Variants in TCEA3 observed in about 807,000 individuals in gnomAD.
TCEA3 encodes transcription elongation factor A3.
Under a neutral mutation model 44.0 loss-of-function variants are expected in TCEA3, and 36 were observed. The ratio of observed to expected loss-of-function variants is 0.82; its 90% CI spans 0.63 to 1.08. The LOEUF (loss-of-function observed/expected upper bound fraction) is 1.08, where lower values mean the gene tolerates loss of function less well. Ranked by LOEUF, TCEA3 falls within the 50% of genes least tolerant of loss-of-function variation. TCEA3 has a pLI of 0.00. For synonymous variants in TCEA3, 162 were observed against 159.7 expected, an observed-to-expected ratio of 1.01 and a Z score of -0.11; for missense variants, 392 against 441.2, an observed-to-expected ratio of 0.89 and a Z score of 1.00.
intron 1 of TCEA3, among the ~76,000 whole-genome samples, chr1:23,421,543 T>C (rs979388133): frequency 6.6e-6 from 1 of 151,694 alleles, no homozygotes; most frequent in Non-Finnish European, 1.5e-5. Flanking sequence ...CCAATTTCTG[T>C]GGTGTAAACA....
At chr1:23,384,262 C>T (rs554211466) in intron 10 of TCEA3, 84 bp downstream of exon 10, 2 of 1,608,874 alleles carry the variant, frequency 1.2e-6, no homozygotes, top group Admixed American at 3.3e-5. Context: ...GCACAAGGCC[C>T]CTTCTGGGTT....
intron 8 of TCEA3, among the ~76,000 whole-genome samples, chr1:23,392,469 T>C (rs1253776993): frequency 8.9e-6 from 1 of 112,616 alleles, no homozygotes. Context: ...CCACACATCA[T>C]ACACACCACA....
intron 4 of TCEA3, among the ~76,000 whole-genome samples, chr1:23,414,826 A>G (rs1238967912): frequency 2.0e-5 from 3 of 152,170 alleles, no homozygotes; most frequent in Non-Finnish European, 4.4e-5. Context: ...TACAAATAAA[A>G]CATTTTATTT....
chr1:23,419,238 G>T, intron 1 of TCEA3, 99 bp from the exon 2 acceptor site: 1 of 872,324 alleles, frequency 1.1e-6, no homozygotes, highest in Non-Finnish European at 1.7e-6. Flanking sequence ...GATACAGACA[G>T]ACATGTGGCC....
chr1:23,415,214 G>T (rs1026995885), intron 4 of TCEA3, among the ~76,000 whole-genome samples: 1 of 151,648 alleles, frequency 6.6e-6, no homozygotes, highest in Non-Finnish European at 1.5e-5. Flanking sequence ...GTAGAGACGG[G>T]GTTTCACCAT....
chr1:23,397,660 G>T, intron 6 of TCEA3, 59 bp from the exon 7 acceptor site: 1 of 1,603,194 alleles, frequency 6.2e-7, no homozygotes, highest in African/African-American at 1.3e-5. Context: ...AGTGAAGCCT[G>T]CTTGTACCTG....
intron 5 of TCEA3, among the ~76,000 whole-genome samples, chr1:23,401,222 A>T (rs1383227200): frequency 6.6e-6 from 1 of 151,992 alleles, no homozygotes; most frequent in Non-Finnish European, 1.5e-5. Flanking sequence ...TTCTCTAGAG[A>T]CTTGAGGTTC....
At chr1:23,395,378 T>C (rs892104853) in intron 7 of TCEA3, among the ~76,000 whole-genome samples, 4 of 152,212 alleles carry the variant, frequency 2.6e-5, no homozygotes, top group African/African-American at 9.6e-5. Flanking sequence ...AACTTTTGGC[T>C]GCATTGTTAG....
At chr1:23,403,111 C>A (rs949088855) in intron 5 of TCEA3, among the ~76,000 whole-genome samples, 6 of 152,268 alleles carry the variant, frequency 3.9e-5, no homozygotes, top group Admixed American at 1.3e-4. Context: ...CTGACCTGTG[C>A]GTGCCATTGC....
intron 5 of TCEA3, chr1:23,403,870 T>A (rs1250031825): frequency 7.9e-6 from 4 of 508,792 alleles, no homozygotes; most frequent in African/African-American, 7.7e-5. Context: ...GGTTAGGAGC[T>A]GGCTGGCTGG....
At chr1:23,415,963 A>G (rs1022934700) in intron 4 of TCEA3, among the ~76,000 whole-genome samples, 2 of 150,442 alleles carry the variant, frequency 1.3e-5, no homozygotes, top group African/African-American at 4.9e-5. Context: ...GGTGGTGGGA[A>G]TGTGGGTGAT....
intron 8 of TCEA3, among the ~76,000 whole-genome samples, chr1:23,390,489 A>G (rs1481430412): frequency 1.3e-5 from 2 of 152,120 alleles, no homozygotes; most frequent in East Asian, 3.8e-4. Flanking sequence ...AAAAGAAAAA[A>G]CAAAAAACAA....
intron 4 of TCEA3, among the ~76,000 whole-genome samples, chr1:23,414,465 C>T (rs1400531385): frequency 2.0e-5 from 3 of 152,154 alleles, no homozygotes; most frequent in East Asian, 3.8e-4. Context: ...TGCAGTGGCA[C>T]GATCTTGGCT....
chr1:23,415,248 C>G (rs1639856487), intron 4 of TCEA3, among the ~76,000 whole-genome samples: 1 of 152,082 alleles, frequency 6.6e-6, no homozygotes, highest in African/African-American at 2.4e-5. Context: ...GTCTCGAACT[C>G]CTGACCTCAG....
intron 5 of TCEA3, 90 bp downstream of exon 5, chr1:23,408,574 T>G: frequency 4.5e-6 from 6 of 1,341,488 alleles, no homozygotes; most frequent in Non-Finnish European, 6.2e-6. Context: ...TTCCCTCCTT[T>G]CCTCTGCCTT....
At chr1:23,409,797 C>A (rs973649825) in intron 4 of TCEA3, among the ~76,000 whole-genome samples, 1 of 152,110 alleles carries the variant, frequency 6.6e-6, no homozygotes, top group Non-Finnish European at 1.5e-5. Context: ...GATCTGCCCA[C>A]CTCGGCCTCC....
intron 1 of TCEA3, among the ~76,000 whole-genome samples, chr1:23,422,245 T>C (rs1640087543): frequency 6.6e-6 from 1 of 152,200 alleles, no homozygotes; most frequent in Admixed American, 6.5e-5. Flanking sequence ...ACTATAATGG[T>C]CAATGTGGGT....
In TCEA3 at chr1:23,417,248, C is replaced by T; in HGVS notation, c.380+1G>A. ...CTTCTCTCCATCCCAAAAAAGAATA[C>T]CTGGTTTTGGGGTCTTCTCGTTTTT... On this transcript the variant is annotated splice_donor_variant, in intron 4 of 10. Coordinates refer to ENST00000450454, the MANE Select transcript of TCEA3 (RefSeq NM_003196.3). LOFTEE classifies it high-confidence loss of function. 2 of 1,612,224 alleles carry T rather than the reference C, an allele frequency of 1.2e-6. No individual in the cohort carries two copies. Among genetic ancestry groups the T allele is most frequent in the Non-Finnish European group, 1.7e-6 (2 of 1,179,472 alleles).
intron 2 of TCEA3, 57 bp downstream of exon 2, chr1:23,419,020 C>A: frequency 2.0e-6 from 2 of 983,714 alleles, no homozygotes; most frequent in Non-Finnish European, 2.8e-6. Flanking sequence ...GGGTCTTTCC[C>A]TCCCCCACCA....
Sources: allele counts gnomAD v4.1 joint callset (sites outside exome capture counted in the v4.1 genomes callset), GRCh38; gene constraint gnomAD v4.1.1; transcripts MANE v1.5; gene names NCBI Gene and HGNC (gene_info 2026-07-23, HGNC 2026-07-21).